The following GRM1 variants were observed in gnomAD, a reference collection of about 807,000 sequenced individuals.
The protein encoded by GRM1 is glutamate metabotropic receptor 1, also known as metabotropic glutamate receptor 1.
A neutral mutation model predicts 90.9 loss-of-function variants in GRM1; 33 were observed. That is an observed-to-expected ratio of 0.36 (90% CI 0.28 to 0.49). GRM1 has a LOEUF of 0.49. Among genes scored for constraint, GRM1 ranks in the 20% least tolerant of loss-of-function variants. The probability of loss-of-function intolerance (pLI) is 0.99; values close to 1 mark genes in which losing one functional copy is unlikely to be tolerated. For synonymous variants in GRM1, 700 were observed against 613.2 expected (o/e 1.14, Z -2.09); for missense variants, 1,190 against 1,534.3 (o/e 0.78, Z 3.75).
intron 7 of GRM1, among the ~76,000 whole-genome samples, chr6:146,405,778 C>G (rs1777326577): frequency 6.6e-6 from 1 of 152,252 alleles, no homozygotes; most frequent in Admixed American, 6.5e-5. Context: ...TCATCTAAAC[C>G]TAATTACCCA....
intron 5 of GRM1, among the ~76,000 whole-genome samples, chr6:146,372,334 T>G (rs1775933993): frequency 6.6e-6 from 1 of 152,134 alleles, no homozygotes; most frequent in African/African-American, 2.4e-5. Flanking sequence ...TATAGAGTTA[T>G]TTGAGCTCCT....
In GRM1 at chr6:146,080,390, T is replaced by A. The variant is rs549509883; in HGVS notation, c.700+50173T>A. Among the ~76,000 whole-genome samples, 5 of 152,270 alleles carry A rather than the reference T, an allele frequency of 3.3e-5. No individual in the cohort carries two copies. The East Asian group carries it at 9.7e-4, about 29-fold the overall frequency. On this transcript the variant is annotated intron_variant, in intron 1 of 7. Transcript: ENST00000282753. ...ACTACAAAACACAAAAACAGAGAAA[T>A]CAGGTCTTACTTTTTGTGTTTCTAA... is the stretch of plus-strand genomic sequence containing the variant.
intron 2 of GRM1, among the ~76,000 whole-genome samples, chr6:146,288,207 G>T (rs1782835218): frequency 6.6e-6 from 1 of 152,126 alleles, no homozygotes; most frequent in South Asian, 2.1e-4. Flanking sequence ...GGTGTGAGGA[G>T]CCTGGTGGAG....
intron 3 of GRM1, among the ~76,000 whole-genome samples, chr6:146,329,790 C>T (rs1340744239): frequency 6.6e-6 from 1 of 152,178 alleles, no homozygotes; most frequent in Non-Finnish European, 1.5e-5. Flanking sequence ...CATTAGCCCA[C>T]AGCTGGCCAA....
chr6:146,404,569 A>G (rs1350932048), intron 7 of GRM1, among the ~76,000 whole-genome samples: 1 of 152,164 alleles, frequency 6.6e-6, no homozygotes, highest in African/African-American at 2.4e-5. Flanking sequence ...ATGTTTTTCA[A>G]CTGGAGAAAT....
intron 5 of GRM1, among the ~76,000 whole-genome samples, chr6:146,381,073 G>T (rs776016839): frequency 1.3e-5 from 2 of 152,174 alleles, no homozygotes; most frequent in African/African-American, 4.8e-5. Context: ...GCTACCAGCT[G>T]TACAGGCTGG....
intron 7 of GRM1, among the ~76,000 whole-genome samples, chr6:146,423,551 A>C: frequency 6.6e-6 from 1 of 151,950 alleles, no homozygotes; most frequent in Non-Finnish European, 1.5e-5. Context: ...CTTGGCTGTC[A>C]ATATGCCGGA....
intron 2 of GRM1, among the ~76,000 whole-genome samples, chr6:146,203,592 T>A (rs1779395766): frequency 1.3e-5 from 2 of 152,214 alleles, no homozygotes; most frequent in Non-Finnish European, 2.9e-5. Flanking sequence ...GGAGGAGAAC[T>A]CATTTCTTTT....
intron 1 of GRM1, among the ~76,000 whole-genome samples, chr6:146,130,323 A>G (rs1467006272): frequency 6.8e-6 from 1 of 147,780 alleles, no homozygotes; most frequent in Non-Finnish European, 1.5e-5. Flanking sequence ...TTTATCAGTC[A>G]GTACACTTAT....
intron 1 of GRM1, among the ~76,000 whole-genome samples, chr6:146,051,681 G>T (rs1209327905): frequency 6.6e-6 from 1 of 152,088 alleles, no homozygotes; most frequent in Non-Finnish European, 1.5e-5. Flanking sequence ...CGGGGAGCCA[G>T]TCCTTCACAG....
intron 2 of GRM1, among the ~76,000 whole-genome samples, chr6:146,304,189 T>C (rs992059097): frequency 6.6e-6 from 1 of 152,182 alleles, no homozygotes; most frequent in Admixed American, 6.5e-5. Context: ...GTAATGATCT[T>C]CGTTGCAATG....
intron 5 of GRM1, among the ~76,000 whole-genome samples, chr6:146,366,459 T>C (rs1467580250): frequency 2.6e-5 from 4 of 152,050 alleles, no homozygotes; most frequent in Non-Finnish European, 5.9e-5. Context: ...CTAACTGTAT[T>C]TTTATACGCA....
chr6:146,346,851 C>T (rs9497528), intron 3 of GRM1, among the ~76,000 whole-genome samples: 44 of 152,156 alleles, frequency 2.9e-4, no homozygotes, highest in African/African-American at 1.1e-3. Context: ...TTCTGTCAGG[C>T]AAAAATAAGC....
At chr6:146,275,874 G>T (rs1782342145) in intron 2 of GRM1, among the ~76,000 whole-genome samples, 1 of 151,902 alleles carries the variant, frequency 6.6e-6, no homozygotes, top group South Asian at 2.1e-4. Flanking sequence ...TTGTGGTTTT[G>T]CACACATTGC....
chr6:146,221,636 A>C (rs922502405), intron 2 of GRM1, among the ~76,000 whole-genome samples: 1 of 152,166 alleles, frequency 6.6e-6, no homozygotes, highest in Admixed American at 6.6e-5. Context: ...TGTTAGTGTG[A>C]GTAGCGCTGC....
Position 146,435,000 on chromosome 6 carries a change from G to A in GRM1, c.*204G>A, listed in dbSNP as rs1324425364. 1.1e-5 allele frequency: 7 copies of A among 623,962 alleles called. No homozygotes were observed. Among genetic ancestry groups the A allele is most frequent in the African/African-American group, 1.8e-5 (1 of 54,570 alleles). The allele number at this position is 623,962 out of a possible 1,614,324, so 38.7% of individuals were successfully genotyped here. A position where few individuals can be genotyped will look rare whatever the true frequency, so the allele number is the denominator to read the frequency against. ...ACCAAGCAAAAAATGTTCCAGGCCA[G>A]GATTCGGATTCTTGAATTACTCGAA... On this transcript the variant is annotated 3_prime_UTR_variant, in exon 8 of 8. Transcript: ENST00000282753.
intron 1 of GRM1, among the ~76,000 whole-genome samples, chr6:146,114,936 A>G (rs989176607): frequency 3.3e-5 from 5 of 152,114 alleles, no homozygotes; most frequent in Non-Finnish European, 7.4e-5. Flanking sequence ...AATACTGTGG[A>G]TATAAGGTTT....
At chr6:146,149,009 T>C (rs757579866) in intron 1 of GRM1, among the ~76,000 whole-genome samples, 3 of 152,190 alleles carry the variant, frequency 2.0e-5, no homozygotes, top group Non-Finnish European at 4.4e-5. Flanking sequence ...AGAATGATGA[T>C]CTCCTTTTGT....
chr6:146,418,524 G>A (rs189716452), intron 7 of GRM1, among the ~76,000 whole-genome samples: 50 of 151,386 alleles, frequency 3.3e-4, no homozygotes, highest in Admixed American at 1.4e-3. Context: ...TAACACACAC[G>A]TATACATACA....
Sources: gnomAD v4.1 joint callset for allele counts (sites outside exome capture counted in the v4.1 genomes callset) on GRCh38, gnomAD v4.1.1 for gene constraint, MANE v1.5 for transcripts, NCBI Gene and HGNC (gene_info 2026-07-23, HGNC 2026-07-21) for gene names.